CCSER1: variants seen among roughly 807,000 people sequenced by gnomAD.
CCSER1 encodes serine-rich coiled-coil domain-containing protein 1.
A neutral mutation model predicts 82.0 loss-of-function variants in CCSER1; 41 were observed. That is an observed-to-expected ratio of 0.50 (90% confidence interval 0.39 to 0.65). CCSER1 has a LOEUF of 0.65. Among genes scored for constraint, CCSER1 ranks in the 30% least tolerant of loss-of-function variants. The pLI is 0.00. For missense variants in CCSER1, 1,119 were observed against 1,064.2 expected (o/e 1.05, Z -0.72); for synonymous variants, 414 against 383.9 (o/e 1.08, Z -0.92).
At chr4:90,463,405 TG>T (rs1763192931) in intron 4 of CCSER1, among the ~76,000 whole-genome samples, 1 of 152,218 alleles carries the variant, frequency 6.6e-6, no homozygotes, top group Non-Finnish European at 1.5e-5. Context: ...TCAAGCTGTG[TG>T]ACCTTGAAAA....
intron 10 of CCSER1, among the ~76,000 whole-genome samples, chr4:91,219,130 G>A (rs1737527453): frequency 6.6e-6 from 1 of 151,850 alleles, no homozygotes; most frequent in Non-Finnish European, 1.5e-5. Flanking sequence ...TGAATTGATG[G>A]GCTGTAATAC....
chr4:90,300,064 A>T (rs1455192634), intron 1 of CCSER1, among the ~76,000 whole-genome samples: 1 of 152,016 alleles, frequency 6.6e-6, no homozygotes, highest in Non-Finnish European at 1.5e-5. Context: ...TTATTTTCTG[A>T]ATGTTTTTCT....
intron 5 of CCSER1, among the ~76,000 whole-genome samples, chr4:90,619,323 A>G (rs1042657005): frequency 6.6e-6 from 1 of 151,968 alleles, no homozygotes; most frequent in African/African-American, 2.4e-5. Context: ...AATATTCCTG[A>G]TCCCCGCAAG....
At chr4:90,520,611 A>G (rs186383384) in intron 5 of CCSER1, among the ~76,000 whole-genome samples, 1 of 152,338 alleles carries the variant, frequency 6.6e-6, no homozygotes, top group Admixed American at 6.5e-5. Flanking sequence ...AATTAATCAG[A>G]TATTCATCAG....
chr4:90,351,802 A>G (rs1743496435), intron 3 of CCSER1, among the ~76,000 whole-genome samples: 1 of 152,112 alleles, frequency 6.6e-6, no homozygotes, highest in African/African-American at 2.4e-5. Flanking sequence ...TCTACATTTT[A>G]TCTTTGCATA....
intron 4 of CCSER1, among the ~76,000 whole-genome samples, chr4:90,414,526 T>C (rs1463883481): frequency 6.6e-6 from 1 of 152,110 alleles, no homozygotes; most frequent in Non-Finnish European, 1.5e-5. Flanking sequence ...TTAGAAAATA[T>C]GAGATGCTAG....
chr4:90,703,101 T>C (rs897222571), intron 6 of CCSER1, among the ~76,000 whole-genome samples: 1 of 152,198 alleles, frequency 6.6e-6, no homozygotes, highest in African/African-American at 2.4e-5. Flanking sequence ...CTTTCTCTTA[T>C]GGGCATTTAG....
chr4:91,343,776 G>A (rs796845439), intron 10 of CCSER1, among the ~76,000 whole-genome samples: 4 of 152,016 alleles, frequency 2.6e-5, no homozygotes, highest in South Asian at 4.1e-4. Flanking sequence ...CAGACAATAC[G>A]ATCTATGTAA....
At chr4:91,225,257 T>C (rs1738060390) in intron 10 of CCSER1, among the ~76,000 whole-genome samples, 1 of 138,348 alleles carries the variant, frequency 7.2e-6, no homozygotes, top group Admixed American at 7.7e-5. Flanking sequence ...TACATATACA[T>C]GTATATAATT....
chr4:90,387,991 G>A (rs1405332486), intron 3 of CCSER1, among the ~76,000 whole-genome samples: 2 of 152,142 alleles, frequency 1.3e-5, no homozygotes, highest in African/African-American at 4.8e-5. Flanking sequence ...CAGTTTTGAG[G>A]ACTGTGCTCT....
intron 5 of CCSER1, among the ~76,000 whole-genome samples, chr4:90,499,767 T>C (rs917757109): frequency 6.6e-6 from 1 of 152,146 alleles, no homozygotes; most frequent in African/African-American, 2.4e-5. Flanking sequence ...TTACATGATT[T>C]CTCATGTTCC....
chr4:90,862,867 G>T (rs1022123363), intron 8 of CCSER1, among the ~76,000 whole-genome samples: 1 of 146,862 alleles, frequency 6.8e-6, no homozygotes, highest in African/African-American at 2.5e-5. Context: ...CAGAAAACCC[G>T]TATTACAGAA....
At chr4:91,229,363 A>G (rs1369303997) in intron 10 of CCSER1, among the ~76,000 whole-genome samples, 1 of 151,992 alleles carries the variant, frequency 6.6e-6, no homozygotes, top group African/African-American at 2.4e-5. Flanking sequence ...TTAAAAAAAA[A>G]ACAGAGTACT....
chr4:91,469,064 T>G (rs1017590259), intron 10 of CCSER1, among the ~76,000 whole-genome samples: 1 of 152,190 alleles, frequency 6.6e-6, no homozygotes, highest in African/African-American at 2.4e-5. Context: ...AGTGGAAAAT[T>G]AATTGATAAT....
chr4:91,058,209 C>T (rs1359635067), intron 9 of CCSER1, among the ~76,000 whole-genome samples: 3 of 151,900 alleles, frequency 2.0e-5, no homozygotes, highest in African/African-American at 7.3e-5. Context: ...TTTTTTGCCT[C>T]TATGTGTCCA....
chr4:90,471,566 A>T (rs1466216309), intron 5 of CCSER1, among the ~76,000 whole-genome samples: 1 of 152,004 alleles, frequency 6.6e-6, no homozygotes, highest in Non-Finnish European at 1.5e-5. Flanking sequence ...AAATTTTGTA[A>T]TTTTTTTGCA....
intron 1 of CCSER1, among the ~76,000 whole-genome samples, chr4:90,255,238 A>G (rs551293199): frequency 4.5e-4 from 68 of 152,324 alleles, no homozygotes; most frequent in Admixed American, 8.5e-4. Context: ...TAAAAATTAC[A>G]TAGAACTATT....
chr4:90,451,516 A>C (rs936273000), intron 4 of CCSER1, among the ~76,000 whole-genome samples: 1 of 152,176 alleles, frequency 6.6e-6, no homozygotes, highest in Non-Finnish European at 1.5e-5. Context: ...TGAGCACTTG[A>C]CAGGTTTTAT....
In CCSER1 at chr4:91,144,620, C is replaced by CT. The variant is rs558166886; in HGVS notation, c.2217+58634dup. On this transcript the variant is annotated intron_variant, in intron 10 of 10. Coordinates refer to ENST00000509176, the MANE Select transcript of CCSER1 (RefSeq NM_001145065.2). ...AGCACTATAACCTGTCCTCTTAAAG[C>CT]TTTTTTTTAATGCATTCTGGAGATT... 6.3e-3 allele frequency among the ~76,000 whole-genome samples: 939 copies of CT among 148,492 alleles called. 6 individuals are homozygous for CT. Among genetic ancestry groups the CT allele is most frequent in the African/African-American group, 0.022 (882 of 40,460 alleles).
Sources: allele counts gnomAD v4.1 joint callset (sites outside exome capture counted in the v4.1 genomes callset), GRCh38; gene constraint gnomAD v4.1.1; transcripts MANE v1.5; gene names NCBI Gene and HGNC (gene_info 2026-07-23, HGNC 2026-07-21).